SLC14A2: variants seen among roughly 807,000 people sequenced by gnomAD.
SLC14A2 encodes the protein solute carrier family 14 member 2.
A neutral mutation model predicts 104.6 loss-of-function variants in SLC14A2; 91 were observed. The observed-to-expected ratio is 0.87, with a 90% CI of 0.73 to 1.04. The LOEUF is 1.04. Ranked by LOEUF, SLC14A2 falls within the 50% of genes least tolerant of loss-of-function variation. The pLI is 0.00. For synonymous variants in SLC14A2, 476 were observed against 466.4 expected, an observed-to-expected ratio of 1.02 and a Z score of -0.27; for missense variants, 1,189 against 1,156.0, an observed-to-expected ratio of 1.03 and a Z score of -0.41.
chr18:45,423,785 A>C (rs1320379475), intron 1 of SLC14A2: 2 of 152,246 alleles, frequency 1.3e-5, no homozygotes, highest in African/African-American at 4.8e-5. Flanking sequence ...CTTGATATTT[A>C]TTGTCAACAA....
At chr18:45,607,649 A>T (rs2044893901) in intron 2 of SLC14A2, among the ~76,000 whole-genome samples, 1 of 152,210 alleles carries the variant, frequency 6.6e-6, no homozygotes, top group African/African-American at 2.4e-5. Context: ...GCCCAAACTT[A>T]GCAACATAAA....
intron 2 of SLC14A2, among the ~76,000 whole-genome samples, chr18:45,511,666 T>A (rs2043367471): frequency 6.6e-6 from 1 of 152,174 alleles, no homozygotes; most frequent in Non-Finnish European, 1.5e-5. Flanking sequence ...GGGTCTCAGG[T>A]GTATGTGTTT....
At chr18:45,206,784 G>T in the SLC14A2 span, among the ~76,000 whole-genome samples, 1 of 152,172 alleles carries the variant, frequency 6.6e-6, no homozygotes, top group Non-Finnish European at 1.5e-5. Context: ...TACACCAAGA[G>T]CTAAGGATAC....
intron 1 of SLC14A2, among the ~76,000 whole-genome samples, chr18:45,330,978 GA>G (rs1366725698): frequency 1.3e-5 from 2 of 152,110 alleles, no homozygotes; most frequent in Non-Finnish European, 2.9e-5. Flanking sequence ...ATACGTGATT[GA>G]AAAAATATAC....
At chr18:45,347,051 T>G (rs1409047016) in intron 1 of SLC14A2, among the ~76,000 whole-genome samples, 1 of 152,022 alleles carries the variant, frequency 6.6e-6, no homozygotes, top group Non-Finnish European at 1.5e-5. Flanking sequence ...CATGATTATA[T>G]TTTCTTTTTT....
chr18:45,299,434 T>A (rs1330712358), intron 1 of SLC14A2, among the ~76,000 whole-genome samples: 1 of 152,062 alleles, frequency 6.6e-6, no homozygotes, highest in Non-Finnish European at 1.5e-5. Flanking sequence ...CACACAAACA[T>A]CCCTCTTTAT....
chr18:45,413,860 G>A lies in SLC14A2; in HGVS notation c.-124-69373G>A, dbSNP rs145645384. ...ACGTATAAAATAAGGTAACCATAGT[G>A]CCTGCTTGTTAGGTGTTTTGTGAAG... On this transcript the variant is annotated intron_variant, in intron 1 of 20. Transcript: ENST00000586448. 2.6e-5 allele frequency among the ~76,000 whole-genome samples: 4 copies of A among 152,184 alleles called. No homozygotes were observed. The East Asian group carries it at 7.7e-4, about 29-fold the overall frequency.
intron 1 of SLC14A2, among the ~76,000 whole-genome samples, chr18:45,368,292 A>G (rs1456261992): frequency 6.6e-6 from 1 of 152,164 alleles, no homozygotes; most frequent in African/African-American, 2.4e-5. Flanking sequence ...GTTTCATGAT[A>G]TTAGAATATA....
At chr18:45,654,528 A>G (rs1355020237) in intron 10 of SLC14A2, among the ~76,000 whole-genome samples, 5 of 152,208 alleles carry the variant, frequency 3.3e-5, no homozygotes, top group African/African-American at 1.2e-4. Context: ...AAGGAAGAGA[A>G]GAAAGAAAGG....
At chr18:45,608,772 TAAGTAGCTTCTTTGGG>T (rs1049381911) in intron 2 of SLC14A2, among the ~76,000 whole-genome samples, 1 of 152,232 alleles carries the variant, frequency 6.6e-6, no homozygotes. Context: ...AATGCAACTC[TAAGTAGCTTCTTTGGG>T]AAGTAGCTTC....
At chr18:45,406,747 T>G (rs931666983) in intron 1 of SLC14A2, among the ~76,000 whole-genome samples, 1 of 152,246 alleles carries the variant, frequency 6.6e-6, no homozygotes, top group Admixed American at 6.5e-5. Context: ...GAAACAATAT[T>G]AATCTCCTTG....
chr18:45,418,604 G>A (rs747155419), intron 1 of SLC14A2, among the ~76,000 whole-genome samples: 8 of 152,214 alleles, frequency 5.3e-5, no homozygotes, highest in Non-Finnish European at 1.0e-4. Context: ...CAGATTTGAA[G>A]CTTGGTTACC....
chr18:45,244,830 T>G (rs921973345), intron 1 of SLC14A2, among the ~76,000 whole-genome samples: 20 of 152,132 alleles, frequency 1.3e-4, no homozygotes, highest in African/African-American at 4.1e-4. Context: ...TCTCTAAAAT[T>G]TTTGCCAAAG....
chr18:45,342,366 G>A (rs770072366), intron 1 of SLC14A2, among the ~76,000 whole-genome samples: 6 of 152,170 alleles, frequency 3.9e-5, no homozygotes, highest in Non-Finnish European at 8.8e-5. Context: ...TGTCTGGAAG[G>A]CAGGAACAGC....
At chr18:45,366,342 G>C (rs1285021675) in intron 1 of SLC14A2, among the ~76,000 whole-genome samples, 1 of 152,144 alleles carries the variant, frequency 6.6e-6, no homozygotes, top group Non-Finnish European at 1.5e-5. Flanking sequence ...AAAGGTTTGA[G>C]ATAAACAGAG....
At chr18:45,305,203 G>GAC (rs1412997249) in intron 1 of SLC14A2, among the ~76,000 whole-genome samples, 1 of 152,222 alleles carries the variant, frequency 6.6e-6, no homozygotes, top group Non-Finnish European at 1.5e-5. Flanking sequence ...TTGTTTGGGA[G>GAC]ACAGGATAAG....
At chr18:45,539,819 G>T (rs2043857288) in intron 2 of SLC14A2, among the ~76,000 whole-genome samples, 1 of 150,334 alleles carries the variant, frequency 6.7e-6, no homozygotes, top group African/African-American at 2.5e-5. Flanking sequence ...TAAATAACAT[G>T]AAATGGGCCC....
intron 1 of SLC14A2, among the ~76,000 whole-genome samples, chr18:45,418,357 T>A (rs937540262): frequency 6.6e-6 from 1 of 152,190 alleles, no homozygotes; most frequent in Non-Finnish European, 1.5e-5. Flanking sequence ...GGCAGCCATC[T>A]CTGGCATTGT....
At chr18:45,373,910 A>G (rs1162278817) in intron 1 of SLC14A2, among the ~76,000 whole-genome samples, 1 of 152,202 alleles carries the variant, frequency 6.6e-6, no homozygotes, top group Non-Finnish European at 1.5e-5. Context: ...TTGTTTTTGA[A>G]TTGTGAAGAC....
Sources: allele counts gnomAD v4.1 joint callset (sites outside exome capture counted in the v4.1 genomes callset), GRCh38; gene constraint gnomAD v4.1.1; transcripts MANE v1.5; gene names NCBI Gene and HGNC (gene_info 2026-07-23, HGNC 2026-07-21).